Variants in NAALADL2 observed in about 807,000 individuals in gnomAD.
The protein encoded by NAALADL2 is inactive N-acetylated-alpha-linked acidic dipeptidase-like protein 2.
In NAALADL2, 76 loss-of-function variants were observed where a neutral mutation model predicts 87.2. The observed-to-expected ratio is 0.87, with a 90% CI of 0.72 to 1.05. NAALADL2 has a LOEUF of 1.05. Among genes scored for constraint, NAALADL2 ranks in the 50% least tolerant of loss-of-function variants. NAALADL2 has a pLI of 0.00. For missense variants in NAALADL2, 1,089 were observed against 945.8 expected (o/e 1.15, Z -1.99); for synonymous variants, 354 against 331.0 (o/e 1.07, Z -0.75).
At chr3:174,885,876 GTTTTTTTTTTTTTTTTTTTTTTTTTT>G (rs60403770) in intron 1 of NAALADL2, among the ~76,000 whole-genome samples, 91 of 101,642 alleles carry the variant, frequency 9.0e-4, no homozygotes, top group Non-Finnish European at 1.1e-3. Context: ...AGTCCGAGTT[GTTTTTTTTTTTTTTTTTTTTTTTTTT>G]TTTTTTTTTT....
chr3:174,679,599 G>C (rs1727346274), intron 2 of NAALADL2, among the ~76,000 whole-genome samples: 1 of 152,120 alleles, frequency 6.6e-6, no homozygotes, highest in South Asian at 2.1e-4. Context: ...TCTGTGGCCA[G>C]TGGCACCTTT....
At chr3:175,570,749 G>A (rs967361256) in intron 9 of NAALADL2, among the ~76,000 whole-genome samples, 16 of 151,860 alleles carry the variant, frequency 1.1e-4, no homozygotes, top group African/African-American at 3.6e-4. Context: ...GCGTGGTGGC[G>A]GGCGCCTGTA....
At chr3:174,874,219 T>G (rs945005343) in intron 1 of NAALADL2, among the ~76,000 whole-genome samples, 36 of 152,186 alleles carry the variant, frequency 2.4e-4, no homozygotes, top group African/African-American at 8.7e-4. Flanking sequence ...TGAGTACATG[T>G]GCACATGTTA....
At chr3:175,123,795 T>G (rs1432342579) in intron 2 of NAALADL2, among the ~76,000 whole-genome samples, 1 of 152,006 alleles carries the variant, frequency 6.6e-6, no homozygotes, top group Admixed American at 6.6e-5. Context: ...CCATGTTAAA[T>G]TTTGTGCTCT....
intron 2 of NAALADL2, among the ~76,000 whole-genome samples, chr3:174,644,096 G>A (rs924296503): frequency 1.3e-5 from 2 of 152,146 alleles, no homozygotes; most frequent in African/African-American, 2.4e-5. Flanking sequence ...TTTAGGAGGT[G>A]AATCATTGTC....
intron 3 of NAALADL2, among the ~76,000 whole-genome samples, chr3:175,251,109 A>C (rs534254070): frequency 6.6e-6 from 1 of 152,338 alleles, no homozygotes; most frequent in South Asian, 2.1e-4. Context: ...AAACCATAGA[A>C]CCACTGATAC....
chr3:174,607,131 C>A (rs1000572325), intron 2 of NAALADL2, among the ~76,000 whole-genome samples: 3 of 151,926 alleles, frequency 2.0e-5, no homozygotes, highest in African/African-American at 7.3e-5. Context: ...GATTTTGTCA[C>A]CACCAGGCCT....
intron 6 of NAALADL2, among the ~76,000 whole-genome samples, chr3:175,447,916 G>C (rs1720956940): frequency 6.6e-6 from 1 of 152,160 alleles, no homozygotes; most frequent in South Asian, 2.1e-4. Flanking sequence ...GTGGAGGGAT[G>C]AAAGCCTTGG....
chr3:175,562,324 C>A (rs935070974), intron 9 of NAALADL2, among the ~76,000 whole-genome samples: 4 of 151,932 alleles, frequency 2.6e-5, no homozygotes, highest in African/African-American at 9.7e-5. Context: ...TATGAAACCA[C>A]CTGGTGAACT....
intron 1 of NAALADL2, among the ~76,000 whole-genome samples, chr3:175,039,828 T>A (rs1753842165): frequency 6.6e-6 from 1 of 152,206 alleles, no homozygotes; most frequent in Non-Finnish European, 1.5e-5. Context: ...ATATTTGTCT[T>A]TGATACTTAT....
chr3:175,279,534 C>T (rs1754003766), intron 4 of NAALADL2, among the ~76,000 whole-genome samples: 1 of 151,656 alleles, frequency 6.6e-6, no homozygotes, highest in Admixed American at 6.6e-5. Context: ...CATAGTAAAT[C>T]TGTAGCTTGA....
rs1292337519 is a variant in NAALADL2 at position 175,447,084 on chromosome 3, CAG to C, written c.1091-144_1091-143del. Reference sequence around the variant, plus strand: ...ATCTCAAATAATGTTAATAAGTAAACAGGGTATAACTAAGGAGTAGATAAACA... The same window carrying C: ...ATCTCAAATAATGTTAATAAGTAAACGGTATAACTAAGGAGTAGATAAACA... On this transcript the variant is annotated intron_variant, in intron 5 of 13. Coordinates refer to ENST00000454872, the MANE Select transcript of NAALADL2 (RefSeq NM_207015.3). 1.8e-5 allele frequency: 9 copies of C among 488,650 alleles called. No individual in the cohort carries two copies. The East Asian group carries it at 2.6e-4, about 14-fold the overall frequency. The allele number at this position is 488,650 out of a possible 1,614,324, so 30.3% of individuals were successfully genotyped here. A position where few individuals can be genotyped will look rare whatever the true frequency, so the allele number is the denominator to read the frequency against.
chr3:175,499,684 C>T (rs978125772), intron 9 of NAALADL2, among the ~76,000 whole-genome samples: 2 of 152,026 alleles, frequency 1.3e-5, no homozygotes, highest in African/African-American at 4.8e-5. Flanking sequence ...AATCTGTTTC[C>T]AGTTGGACAG....
At chr3:175,311,003 G>C (rs9838649) in intron 4 of NAALADL2, among the ~76,000 whole-genome samples, 102,334 of 151,602 alleles carry the variant, frequency 0.68, 36,496 homozygotes, top group African/African-American at 0.92. Context: ...TGTTTCCCCC[G>C]CAATATTGGC....
intron 1 of NAALADL2, among the ~76,000 whole-genome samples, chr3:174,498,951 G>A (rs1403371836): frequency 6.6e-6 from 1 of 151,976 alleles, no homozygotes; most frequent in Non-Finnish European, 1.5e-5. Context: ...AAAAAATAGG[G>A]TAAGTCCAGA....
At chr3:175,426,055 A>T (rs1716719965) in intron 5 of NAALADL2, among the ~76,000 whole-genome samples, 1 of 152,112 alleles carries the variant, frequency 6.6e-6, no homozygotes, top group Non-Finnish European at 1.5e-5. Flanking sequence ...GCCAGGTGAA[A>T]AATATTGTGG....
intron 9 of NAALADL2, among the ~76,000 whole-genome samples, chr3:175,569,896 A>G (rs530198856): frequency 3.6e-5 from 5 of 137,488 alleles, no homozygotes; most frequent in African/African-American, 5.0e-5. Context: ...TTATACAGTA[A>G]TATATAACTA....
chr3:174,798,073 C>T (rs1035382994), intron 3 of NAALADL2, among the ~76,000 whole-genome samples: 9 of 152,120 alleles, frequency 5.9e-5, no homozygotes, highest in Non-Finnish European at 1.2e-4. Context: ...CTCTAACATG[C>T]GGATATTGTT....
intron 3 of NAALADL2, among the ~76,000 whole-genome samples, chr3:174,771,343 A>G (rs1170564425): frequency 2.6e-5 from 4 of 152,212 alleles, no homozygotes; most frequent in Non-Finnish European, 5.9e-5. Flanking sequence ...GTGATCACAG[A>G]AGTATATATT....
Sources: gnomAD v4.1 joint callset for allele counts (sites outside exome capture counted in the v4.1 genomes callset) on GRCh38, gnomAD v4.1.1 for gene constraint, MANE v1.5 for transcripts, NCBI Gene and HGNC (gene_info 2026-07-23, HGNC 2026-07-21) for gene names.